Variants in C16orf96 observed in about 807,000 individuals in gnomAD.
The protein encoded by C16orf96 is uncharacterized protein C16orf96.
In C16orf96, 108 loss-of-function variants were observed where a neutral mutation model predicts 103.6. That is an observed-to-expected ratio of 1.04 (90% confidence interval 0.89 to 1.22). The LOEUF (loss-of-function observed/expected upper bound fraction) is 1.22. C16orf96 is among the 50% of genes most tolerant of loss of function. C16orf96 has a pLI of 0.00. For synonymous variants in C16orf96, 566 were observed against 593.5 expected (o/e 0.95, Z 0.67); for missense variants, 1,586 against 1,464.2 (o/e 1.08, Z -1.36).
chr16:4,582,069 GTCAGGAGT>G (rs2059594979), intron 7 of C16orf96, among the ~76,000 whole-genome samples: 1 of 152,076 alleles, frequency 6.6e-6, no homozygotes, highest in Admixed American at 6.6e-5. Flanking sequence ...ATCACCTGAG[GTCAGGAGT>G]TCGAGACCAG....
the C16orf96 span, among the ~76,000 whole-genome samples, chr16:4,547,796 TCCCTC>T: frequency 7.4e-6 from 1 of 135,306 alleles, no homozygotes. Context: ...TTTCCCTCCC[TCCCTC>T]CCTTCCTTCC....
chr16:4,566,594 C>T (rs143241376), intron 1 of C16orf96, among the ~76,000 whole-genome samples: 135 of 152,226 alleles, frequency 8.9e-4, no homozygotes, highest in African/African-American at 3.2e-3. Context: ...ATATGATTTG[C>T]AAAATGAGGT....
At chr16:4,549,870 G>T in the C16orf96 span, among the ~76,000 whole-genome samples, 2 of 151,946 alleles carry the variant, frequency 1.3e-5, no homozygotes, top group Non-Finnish European at 2.9e-5. Context: ...ACTCCCCTTC[G>T]CCTTCCACAA....
chr16:4,600,478 G>T lies in C16orf96; in HGVS notation c.*161G>T. 2 of 466,240 alleles carry T rather than the reference G, an allele frequency of 4.3e-6. No individual in the cohort carries two copies. Among genetic ancestry groups the T allele is most frequent in the Non-Finnish European group, 7.4e-6 (2 of 269,172 alleles). The allele number at this position is 466,240 out of a possible 1,614,324, so 28.9% of individuals were successfully genotyped here. ...CCAAGTCCCCTCCATGTCCGAGGCT[G>T]AGGCTCATGCGCCCCCCCCCATCCC... On this transcript the variant is annotated 3_prime_UTR_variant, in exon 16 of 16. Transcript: ENST00000444310.
intron 1 of C16orf96, among the ~76,000 whole-genome samples, chr16:4,559,465 C>T (rs760155581): frequency 6.6e-6 from 1 of 151,958 alleles, no homozygotes; most frequent in Admixed American, 6.6e-5. Context: ...GCACGAGAAT[C>T]GCTTGAACCC....
chr16:4,579,420 G>A (rs968117189), intron 6 of C16orf96, among the ~76,000 whole-genome samples: 1 of 152,016 alleles, frequency 6.6e-6, no homozygotes, highest in Non-Finnish European at 1.5e-5. Flanking sequence ...CAGGTGTGGT[G>A]GTTTGTCCCT....
chr16:4,550,861 C>T, the C16orf96 span, among the ~76,000 whole-genome samples: 21 of 152,156 alleles, frequency 1.4e-4, no homozygotes, highest in Non-Finnish European at 2.2e-4. Flanking sequence ...TTTCTTTACA[C>T]GCAGCAAGAA....
rs2059265493 is a variant in C16orf96 at position 4,556,625 on chromosome 16, C to T, written c.136C>T (p.Leu46Phe). ...CCACATGGCCGAGCTCAAGAAAGTC[C>T]TCTCAGGCGATGAGGACTTCCTGCA... ...HIHMAELKKV[L>F]SGDEDFLQTS... The change falls in exon 1 of 16, where the codon CTC (leucine) becomes TTC (phenylalanine). Residue 46 changes from leucine to phenylalanine, a missense_variant. By Grantham distance (22) the Leu-to-Phe change is conservative (BLOSUM62 0). Coordinates refer to ENST00000444310, the MANE Select transcript of C16orf96 (RefSeq NM_001145011.2). 6.4e-7 allele frequency: 1 copy of T among 1,551,638 alleles called. No individual in the cohort carries two copies. Among genetic ancestry groups the T allele is most frequent in the Non-Finnish European group, 8.7e-7 (1 of 1,147,016 alleles).
rs1304327005 is a variant in C16orf96 at position 4,574,794 on chromosome 16, G to A, written c.606+5G>A. On this transcript the variant is annotated splice_donor_5th_base_variant and intron_variant, in intron 3 of 15. Coordinates refer to ENST00000444310, the MANE Select transcript of C16orf96 (RefSeq NM_001145011.2). ...GTTGCACTGCAGCGGGAAGTGGTGA[G>A]GGCCACCATCCCTGTCTTCCCCCAC... The A allele has an allele frequency of 1.9e-6, 3 of 1,551,298 alleles. No individual in the cohort carries two copies. The highest frequency in any genetic ancestry group is 2.4e-5 in the South Asian group (2 of 84,056).
chr16:4,580,758 G>A (rs1162531660), intron 7 of C16orf96, among the ~76,000 whole-genome samples: 1 of 151,936 alleles, frequency 6.6e-6, no homozygotes, highest in Non-Finnish European at 1.5e-5. Flanking sequence ...AGGCCGAGGT[G>A]TGGTGGATCA....
the C16orf96 span, among the ~76,000 whole-genome samples, chr16:4,547,735 T>C: frequency 7.0e-6 from 1 of 142,104 alleles, no homozygotes; most frequent in Non-Finnish European, 1.5e-5. Flanking sequence ...TTTCTTTCTT[T>C]CTCCTTCCTT....
At chr16:4,567,306 T>C (rs1408981149) in intron 1 of C16orf96, among the ~76,000 whole-genome samples, 3 of 128,560 alleles carry the variant, frequency 2.3e-5, no homozygotes, top group South Asian at 2.5e-4. Flanking sequence ...TTTTTTGAGA[T>C]GGAGTCTCGC....
chr16:4,551,502 A>G (rs930775117), upstream of C16orf96, among the ~76,000 whole-genome samples: 2 of 152,110 alleles, frequency 1.3e-5, no homozygotes, highest in Non-Finnish European at 2.9e-5. Flanking sequence ...CCCAGGCTGG[A>G]GTGCAGTGGC....
rs1489549985 is a variant in C16orf96 at position 4,573,927 on chromosome 16, G to A, written c.526-782G>A. On this transcript the variant is annotated intron_variant, in intron 2 of 15. Transcript: ENST00000444310. Reference sequence around the variant, plus strand: ...CAGCTCACTGCAACCTCTGCCTCCCGGGTTCAAGTGATTTTCCTGCCTCAG... The same window carrying A: ...CAGCTCACTGCAACCTCTGCCTCCCAGGTTCAAGTGATTTTCCTGCCTCAG... Among the ~76,000 whole-genome samples, 8 of 151,460 alleles carry A rather than the reference G, an allele frequency of 5.3e-5. No individual in the cohort carries two copies. In the East Asian group the frequency reaches 1.6e-3, roughly 30 times the overall value.
In C16orf96 at chr16:4,600,470, C is replaced by A; in HGVS notation, c.*153C>A. On this transcript the variant is annotated 3_prime_UTR_variant, in exon 16 of 16. Coordinates refer to ENST00000444310, the MANE Select transcript of C16orf96 (RefSeq NM_001145011.2). ...CACCCCCACCAAGTCCCCTCCATGT[C>A]CGAGGCTGAGGCTCATGCGCCCCCC... The A allele has an allele frequency of 2.0e-6, 1 of 510,512 alleles. No homozygotes were observed. Among genetic ancestry groups the A allele is most frequent in the Non-Finnish European group, 3.4e-6 (1 of 291,410 alleles). The allele number at this position is 510,512 out of a possible 1,614,324, so 31.6% of individuals were successfully genotyped here.
rs1297524255 is a variant in C16orf96, at chr16:4,592,321, G to A, written c.2728G>A (p.Val910Met). Residue 910 changes from valine to methionine, a missense_variant, in exon 11 of 16, where the codon GTG becomes ATG. Val to Met is a conservative substitution (Grantham distance 21). Coordinates refer to ENST00000444310, the MANE Select transcript of C16orf96 (RefSeq NM_001145011.2). ...AGFRRKLFKR[V>M]KCISCDRPVE... ...GCCTTTCAGGAAGCTGTTCAAGCGC[G>A]TGAAGTGCATCTCCTGTGACCGGCC... 2.6e-6 allele frequency: 4 copies of A among 1,551,542 alleles called. No individual in the cohort carries two copies. The highest frequency in any genetic ancestry group is 2.4e-5 in the East Asian group (1 of 40,926).
Position 4,593,167 on chromosome 16 carries a change from C to T in C16orf96, c.2775-57C>T. 3.4e-6 allele frequency: 5 copies of T among 1,484,750 alleles called. No individual in the cohort carries two copies. The highest frequency in any genetic ancestry group is 4.6e-6 in the Non-Finnish European group (5 of 1,088,124). The allele number at this position is 1,484,750 out of a possible 1,614,324, so 92.0% of individuals were successfully genotyped here. ...CTTCCTGGAGGGGTGGGAGACGAGC[C>T]CTCTGCTGGCCTAGCACGCCTCCCA... On this transcript the variant is annotated intron_variant, in intron 11 of 15. Transcript: ENST00000444310. This position sits in a 1 kb window ranked among gnomAD's most constrained non-coding sequence, Gnocchi z 4.2.
At chr16:4,547,689 C>CTTCCTTCCTTCCTTCCTTCTTTCTTTCT in the C16orf96 span, among the ~76,000 whole-genome samples, 55 of 22,564 alleles carry the variant, frequency 2.4e-3, no homozygotes, top group African/African-American at 5.5e-3. Flanking sequence ...TCCTTCCTTC[C>CTTCCTTCCTTCCTTCCTTCTTTCTTTCT]TTCTTTCTTT....
At chr16:4,545,042 A>G in the C16orf96 span, among the ~76,000 whole-genome samples, 1 of 152,194 alleles carries the variant, frequency 6.6e-6, no homozygotes, top group Non-Finnish European at 1.5e-5. Context: ...CATAGCATGG[A>G]TGTTTATATT....
Sources: gnomAD v4.1 joint callset for allele counts (sites outside exome capture counted in the v4.1 genomes callset) on GRCh38, gnomAD v4.1.1 for gene constraint, Gnocchi (gnomAD v3.1) non-coding constraint, MANE v1.5 for transcripts, NCBI Gene and HGNC (gene_info 2026-07-23, HGNC 2026-07-21) for gene names.